Variants in RNF146 observed in about 807,000 individuals in gnomAD.
RNF146 encodes the protein ring finger protein 146.
RNF146 carries 11 observed loss-of-function variants against 29.7 expected under a neutral mutation model. The observed-to-expected ratio is 0.37, with a 90% CI of 0.23 to 0.61. RNF146 has a LOEUF of 0.61. Ranked by LOEUF, RNF146 falls within the 20% of genes least tolerant of loss-of-function variation. The pLI is 0.66. For synonymous variants in RNF146, 150 were observed against 159.7 expected (o/e 0.94, Z 0.46); for missense variants, 342 against 438.9 (o/e 0.78, Z 1.97).
intron 2 of RNF146, 173 bp downstream of exon 2, chr6:127,280,513 T>C: frequency 7.9e-7 from 1 of 1,267,010 alleles, no homozygotes; most frequent in Non-Finnish European, 1.0e-6. Context: ...ATCGTTAATG[T>C]AGATTTCCAA....
chr6:127,277,236 C>T (rs1053259252), intron 1 of RNF146, among the ~76,000 whole-genome samples: 1 of 151,922 alleles, frequency 6.6e-6, no homozygotes, highest in Non-Finnish European at 1.5e-5. Context: ...AAATTGTCTC[C>T]TCCTGTCCTA....
At chr6:127,272,907 A>G (rs2114431905) in intron 1 of RNF146, among the ~76,000 whole-genome samples, 1 of 152,366 alleles carries the variant, frequency 6.6e-6, no homozygotes, top group Non-Finnish European at 1.5e-5. Context: ...CTAAAGGAAA[A>G]TAAATTCCTA....
In RNF146 at chr6:127,285,970, G is replaced by A. The variant is rs192301725; in HGVS notation, c.3-646G>A. The A allele has an allele frequency of 3.0e-4, 313 of 1,056,814 alleles. 1 individual carries two copies. The African/African-American group carries it at 4.5e-3, about 15-fold the overall frequency. The allele number at this position is 1,056,814 out of a possible 1,614,324, so 65.5% of individuals were successfully genotyped here. On this transcript the variant is annotated intron_variant, in intron 2 of 2. Coordinates refer to ENST00000368314, the MANE Select transcript of RNF146 (RefSeq NM_001242850.2). ...AGTAAATGTTTATCTGAATCAATAAGGCAGAAATTATAAATTTTATGTCAG... is the reference window on the plus strand; with the variant it reads ...AGTAAATGTTTATCTGAATCAATAAAGCAGAAATTATAAATTTTATGTCAG...
At chr6:127,283,478 A>T (rs1779155301) in intron 2 of RNF146, among the ~76,000 whole-genome samples, 1 of 151,804 alleles carries the variant, frequency 6.6e-6, no homozygotes, top group East Asian at 1.9e-4. Context: ...GATCATCTGC[A>T]TACATTTAGT....
At position 127,287,766 on chromosome 6, in the gene RNF146, C is replaced by T; in HGVS notation, c.*73C>T. ...AAATTTCTGCCCACATAACATTATA[C>T]TCATCCCTAGTAGTGCATTTTGGGA... is the stretch of plus-strand genomic sequence containing the variant. On this transcript the variant is annotated 3_prime_UTR_variant, in exon 3 of 3. Coordinates refer to ENST00000368314, the MANE Select transcript of RNF146 (RefSeq NM_001242850.2). 2.1e-6 allele frequency: 2 copies of T among 934,686 alleles called. No individual in the cohort carries two copies. Among genetic ancestry groups the T allele is most frequent in the Non-Finnish European group, 3.3e-6 (2 of 603,052 alleles). 57.9% of individuals were successfully genotyped at this position (934,686 alleles called of 1,614,324 possible).
chr6:127,277,715 C>A (rs1778417211), intron 1 of RNF146, among the ~76,000 whole-genome samples: 1 of 152,012 alleles, frequency 6.6e-6, no homozygotes, highest in African/African-American at 2.4e-5. Flanking sequence ...TCACTGGCAG[C>A]TGATTAGATT....
At chr6:127,269,589 C>A (rs1268858970) in intron 1 of RNF146, among the ~76,000 whole-genome samples, 1 of 152,142 alleles carries the variant, frequency 6.6e-6, no homozygotes, top group African/African-American at 2.4e-5. Context: ...AAGTATCAGA[C>A]CCCATTTAGT....
At chr6:127,275,772 A>C (rs1267304667) in intron 1 of RNF146, among the ~76,000 whole-genome samples, 1 of 152,112 alleles carries the variant, frequency 6.6e-6, no homozygotes, top group African/African-American at 2.4e-5. Flanking sequence ...GTAAAAGGGA[A>C]TAGATCGTAC....
At chr6:127,278,747 A>T (rs992000899) in intron 1 of RNF146, among the ~76,000 whole-genome samples, 2 of 151,954 alleles carry the variant, frequency 1.3e-5, no homozygotes, top group Non-Finnish European at 2.9e-5. Flanking sequence ...CAGCAGCTAC[A>T]CCCTTTTACC....
In RNF146 at chr6:127,287,729, A is replaced by G; in HGVS notation, c.*36A>G. The stretch of plus-strand genomic sequence containing the variant: ...CTTCAGCTCCATGCTCAAGGTTGAA[A>G]GGGTTACCTGTAAATTTCTGCCCAC... On this transcript the variant is annotated 3_prime_UTR_variant, in exon 3 of 3. Coordinates refer to ENST00000368314, the MANE Select transcript of RNF146 (RefSeq NM_001242850.2). 1 of 1,317,774 alleles carries G rather than the reference A, an allele frequency of 7.6e-7. No homozygotes were observed. The highest frequency in any genetic ancestry group is 1.1e-6 in the Non-Finnish European group (1 of 947,908). 81.6% of individuals were successfully genotyped at this position (1,317,774 alleles called of 1,614,324 possible). A position where few individuals can be genotyped will look rare whatever the true frequency, so the allele number is the denominator to read the frequency against.
rs78719740 is a variant in RNF146, at chr6:127,268,176, G to T, written c.-109+1251G>T. 1.2e-4 allele frequency among the ~76,000 whole-genome samples: 19 copies of T among 152,308 alleles called. No homozygotes were observed. The East Asian group carries it at 3.7e-3, about 29-fold the overall frequency. ...ATAGGGTACGCTTTGTTCTTTGTAT[G>T]ATTGGCATTTCAGGTAGTGGGCACA... On this transcript the variant is annotated intron_variant, in intron 1 of 2. Transcript: ENST00000368314.
chr6:127,272,771 C>A (rs183302085), intron 1 of RNF146, among the ~76,000 whole-genome samples: 138 of 152,278 alleles, frequency 9.1e-4, no homozygotes, highest in African/African-American at 3.2e-3. Context: ...GGTGCCAACC[C>A]CTTGCACAAT....
chr6:127,272,134 A>G (rs565852726), intron 1 of RNF146, among the ~76,000 whole-genome samples: 11 of 152,308 alleles, frequency 7.2e-5, no homozygotes, highest in Admixed American at 5.9e-4. Context: ...TGGGTAAGTC[A>G]TTTAACTTCC....
chr6:127,281,483 G>T (rs1435354659), intron 2 of RNF146, among the ~76,000 whole-genome samples: 2 of 151,636 alleles, frequency 1.3e-5, no homozygotes, highest in African/African-American at 4.8e-5. Context: ...CATCTGAAGG[G>T]TTCAGAATGA....
chr6:127,267,760 A>G (rs556350415), intron 1 of RNF146, among the ~76,000 whole-genome samples: 1 of 152,162 alleles, frequency 6.6e-6, no homozygotes, highest in South Asian at 2.1e-4. Context: ...TGAGCCTCCA[A>G]ACCCTCTGCA....
intron 2 of RNF146, among the ~76,000 whole-genome samples, chr6:127,281,350 A>G (rs1250239414): frequency 3.3e-5 from 5 of 151,696 alleles, no homozygotes; most frequent in Non-Finnish European, 7.4e-5. Context: ...GGTGCTGGTC[A>G]TCAAGGAACT....
chr6:127,280,457 C>G (rs1235528864), intron 2 of RNF146, 117 bp downstream of exon 2: 61 of 1,369,834 alleles, frequency 4.5e-5, no homozygotes, highest in Non-Finnish European at 5.7e-5. Flanking sequence ...TGAGCATTTT[C>G]TTTTGACTTA....
At position 127,286,524 on chromosome 6, in the gene RNF146, A is replaced by C; in HGVS notation, c.3-92A>C. 2 of 1,133,200 alleles carry C rather than the reference A, an allele frequency of 1.8e-6. No individual in the cohort carries two copies. Among genetic ancestry groups the C allele is most frequent in the Non-Finnish European group, 2.5e-6 (2 of 805,138 alleles). The allele number at this position is 1,133,200 out of a possible 1,614,324, so 70.2% of individuals were successfully genotyped here. On this transcript the variant is annotated intron_variant, in intron 2 of 2. Coordinates refer to ENST00000368314, the MANE Select transcript of RNF146 (RefSeq NM_001242850.2). The surrounding 1 kb of genome is among the most constrained non-coding windows in gnomAD (Gnocchi z 4.6). ...CTAGTATGTGGCTTGCATATAATGC[A>C]CATCATAGGTGGTTAGTGTTTTCAT...
intron 1 of RNF146, among the ~76,000 whole-genome samples, chr6:127,270,008 A>G (rs575977016): frequency 6.6e-6 from 1 of 152,104 alleles, no homozygotes; most frequent in Non-Finnish European, 1.5e-5. Context: ...ATATGTATTT[A>G]TATTGATGTT....
Sources: allele counts gnomAD v4.1 joint callset (sites outside exome capture counted in the v4.1 genomes callset), GRCh38; gene constraint gnomAD v4.1.1; non-coding constraint Gnocchi (gnomAD v3.1); transcripts MANE v1.5; gene names NCBI Gene and HGNC (gene_info 2026-07-23, HGNC 2026-07-21).